The following ADARB1 variants were observed in gnomAD, a reference collection of about 807,000 sequenced individuals.
ADARB1 encodes adenosine deaminase RNA specific B1, also known as double-stranded RNA-specific editase 1.
ADARB1 carries 10 observed loss-of-function variants against 52.4 expected under a neutral mutation model. The ratio of observed to expected loss-of-function variants is 0.19; its 90% CI spans 0.12 to 0.32. ADARB1 has a LOEUF of 0.32. Ranked by LOEUF, ADARB1 falls within the 10% of genes least tolerant of loss-of-function variation. The probability of loss-of-function intolerance (pLI) is 1.00; values close to 1 mark genes in which losing one functional copy is unlikely to be tolerated. For missense variants in ADARB1, 643 were observed against 922.3 expected, an observed-to-expected ratio of 0.70 and a Z score of 3.92; for synonymous variants, 349 against 371.1, an observed-to-expected ratio of 0.94 and a Z score of 0.68.
At chr21:45,163,479 G>A (rs1326532558) in intron 2 of ADARB1, among the ~76,000 whole-genome samples, 1 of 152,292 alleles carries the variant, frequency 6.6e-6, no homozygotes, top group South Asian at 2.1e-4. Context: ...TCAGGCCAGC[G>A]GGGGAGTGAG....
intron 7 of ADARB1, among the ~76,000 whole-genome samples, chr21:45,183,856 T>A (rs1030247151): frequency 6.6e-6 from 1 of 152,242 alleles, no homozygotes; most frequent in African/African-American, 2.4e-5. Context: ...GCTAAATGTG[T>A]AATTAAAGTA....
chr21:45,204,494 G>T lies in ADARB1; in HGVS notation c.1566-61G>T, dbSNP rs1601956265. ...CATCCCTGTAACCACGCAGGCTTGG[G>T]CTGGGCTGCGTCGACACTGAGTCCG... is the stretch of plus-strand genomic sequence containing the variant. On this transcript the variant is annotated intron_variant, in intron 8 of 10. Transcript: ENST00000348831. The surrounding 1 kb of genome is among the most constrained non-coding windows in gnomAD (Gnocchi z 4.4). The T allele has an allele frequency of 1.3e-6, 2 of 1,546,432 alleles. No homozygotes were observed. Among genetic ancestry groups the T allele is most frequent in the Admixed American group, 3.4e-5 (2 of 58,780 alleles).
Position 45,143,973 on chromosome 21 carries a change from A to G in ADARB1, c.-48+15400A>G, listed in dbSNP as rs148717856. On this transcript the variant is annotated intron_variant, in intron 2 of 10. Coordinates refer to ENST00000348831, the MANE Select transcript of ADARB1 (RefSeq NM_001112.4). Reference sequence around the variant, plus strand: ...TGTCTTTTTTTTTCCTTATTAGAACATAAGCTCCAGGAAAGCAGATGTTAA... The same window carrying G: ...TGTCTTTTTTTTTCCTTATTAGAACGTAAGCTCCAGGAAAGCAGATGTTAA... Among the ~76,000 whole-genome samples, 16 of 152,278 alleles carry G rather than the reference A, an allele frequency of 1.1e-4. No homozygotes were observed. In the East Asian group the frequency reaches 3.1e-3, roughly 29 times the overall value.
intron 1 of ADARB1, among the ~76,000 whole-genome samples, chr21:45,119,440 T>C (rs2088022873): frequency 6.6e-6 from 1 of 152,226 alleles, no homozygotes; most frequent in Non-Finnish European, 1.5e-5. Flanking sequence ...CCTTTACCAG[T>C]AGCTGTTCTT....
At chr21:45,149,917 GTCTAAAGTACTTACTCTTTGCCCCTT>G (rs2145941093) in intron 2 of ADARB1, among the ~76,000 whole-genome samples, 1 of 152,344 alleles carries the variant, frequency 6.6e-6, no homozygotes, top group South Asian at 2.1e-4. Flanking sequence ...TGGCCACGAA[GTCTAAAGTACTTACTCTTTGCCCCTT>G]TACAGAAAAT....
intron 4 of ADARB1, among the ~76,000 whole-genome samples, chr21:45,178,095 T>A (rs575548097): frequency 6.6e-6 from 1 of 152,340 alleles, no homozygotes; most frequent in African/African-American, 2.4e-5. Flanking sequence ...CAGAGTGGCA[T>A]ATAAGACCAT....
At chr21:45,205,320 G>T (rs938371888) in intron 9 of ADARB1, among the ~76,000 whole-genome samples, 5 of 152,200 alleles carry the variant, frequency 3.3e-5, no homozygotes, top group Non-Finnish European at 5.9e-5. Flanking sequence ...ATTATGACTG[G>T]GCTGGGCACC....
Position 45,226,349 on chromosome 21 carries a change from T to G in ADARB1, c.*4152T>G, listed in dbSNP as rs1051385. ...ACATGCTTTTAATTTGATTTTAGAA[T>G]CTGGACACTTTCTATGAATGTAATT... On this transcript the variant is annotated 3_prime_UTR_variant, in exon 11 of 11. Coordinates refer to ENST00000348831, the MANE Select transcript of ADARB1 (RefSeq NM_001112.4). The G allele has an allele frequency of 1.3e-5, 2 of 152,542 alleles. No individual in the cohort carries two copies. The highest frequency in any genetic ancestry group is 4.8e-5 in the African/African-American group (2 of 41,396). 9.4% of individuals were successfully genotyped at this position (152,542 alleles called of 1,614,324 possible).
intron 1 of ADARB1, among the ~76,000 whole-genome samples, chr21:45,090,503 T>TA (rs2086519818): frequency 6.6e-6 from 1 of 152,192 alleles, no homozygotes; most frequent in African/African-American, 2.4e-5. Context: ...TAAATGTCCC[T>TA]ACCGTGCCCT....
At chr21:45,119,194 A>G (rs757757484) in intron 1 of ADARB1, among the ~76,000 whole-genome samples, 2 of 152,162 alleles carry the variant, frequency 1.3e-5, no homozygotes, top group Non-Finnish European at 2.9e-5. Flanking sequence ...GGCTCAAGCA[A>G]TACTCCTGTT....
chr21:45,199,868 G>A (rs545197038), intron 8 of ADARB1, among the ~76,000 whole-genome samples: 3 of 152,326 alleles, frequency 2.0e-5, no homozygotes, highest in East Asian at 1.9e-4. Flanking sequence ...TTGCTGGGGC[G>A]TGGGGATGTC....
chr21:45,079,150 C>G (rs2086056802), intron 1 of ADARB1, among the ~76,000 whole-genome samples: 1 of 152,142 alleles, frequency 6.6e-6, no homozygotes, highest in Non-Finnish European at 1.5e-5. Context: ...TCAGATTCAG[C>G]CTACTGAATT....
chr21:45,207,711 T>TC (rs1365680626), intron 9 of ADARB1, among the ~76,000 whole-genome samples: 1 of 152,232 alleles, frequency 6.6e-6, no homozygotes, highest in Non-Finnish European at 1.5e-5. Context: ...TTACACTTTG[T>TC]CACCTCACAT....
intron 1 of ADARB1, among the ~76,000 whole-genome samples, chr21:45,125,347 C>T (rs921042213): frequency 2.6e-5 from 4 of 152,188 alleles, no homozygotes; most frequent in Admixed American, 6.5e-5. Flanking sequence ...CTGTGGCTTT[C>T]TTGGTTCTTC....
At chr21:45,175,371 G>T (rs539776844) in intron 3 of ADARB1, among the ~76,000 whole-genome samples, 23 of 152,022 alleles carry the variant, frequency 1.5e-4, no homozygotes, top group Non-Finnish European at 2.6e-4. Flanking sequence ...ATTAATGTAA[G>T]GTCTTTCTGG....
intron 2 of ADARB1, chr21:45,133,446 C>G (rs2089082130): frequency 6.4e-6 from 1 of 155,160 alleles, no homozygotes; most frequent in South Asian, 1.9e-4. Context: ...CCAGGCCCAC[C>G]CAGGAAAATC....
chr21:45,146,248 T>G (rs1021871137), intron 2 of ADARB1: 4 of 152,266 alleles, frequency 2.6e-5, no homozygotes, highest in Non-Finnish European at 5.9e-5. Flanking sequence ...TATGGGAGTT[T>G]AGGCATACTT....
At chr21:45,207,554 T>C (rs1263516564) in intron 9 of ADARB1, among the ~76,000 whole-genome samples, 1 of 152,190 alleles carries the variant, frequency 6.6e-6, no homozygotes, top group African/African-American at 2.4e-5. Flanking sequence ...GTCACACTCT[T>C]TAAAAATGGG....
At chr21:45,154,640 A>C in intron 2 of ADARB1, among the ~76,000 whole-genome samples, 1 of 152,194 alleles carries the variant, frequency 6.6e-6, no homozygotes, top group East Asian at 1.9e-4. Context: ...TCACTCCTGG[A>C]TTATACTTGC....
Sources: allele counts gnomAD v4.1 joint callset (sites outside exome capture counted in the v4.1 genomes callset), GRCh38; gene constraint gnomAD v4.1.1; non-coding constraint Gnocchi (gnomAD v3.1); transcripts MANE v1.5; gene names NCBI Gene and HGNC (gene_info 2026-07-23, HGNC 2026-07-21).